UBAP1: variants seen among roughly 807,000 people sequenced by gnomAD.
UBAP1 encodes the protein ubiquitin-associated protein 1.
Under a neutral mutation model 39.0 loss-of-function variants are expected in UBAP1, and 5 were observed. That is an observed-to-expected ratio of 0.13 (90% CI 0.07 to 0.27). The LOEUF (loss-of-function observed/expected upper bound fraction) is 0.27, where lower values mean the gene tolerates loss of function less well. Among genes scored for constraint, UBAP1 ranks in the 10% least tolerant of loss-of-function variants. The pLI, the probability that UBAP1 is intolerant of heterozygous loss-of-function variation, is 1.00. For synonymous variants in UBAP1, 211 were observed against 225.1 expected (o/e 0.94, Z 0.56); for missense variants, 490 against 608.1 (o/e 0.81, Z 2.04).
chr9:34,179,033 G>T (rs865884402), upstream of UBAP1: 1 of 1,262,482 alleles, frequency 7.9e-7, no homozygotes, highest in African/African-American at 1.5e-5. Context: ...GGCGGTGAGG[G>T]GAAGGAGGAG....
chr9:34,181,121 T>TATTTGTATTTTA (rs1461081102), intron 1 of UBAP1, among the ~76,000 whole-genome samples: 2 of 124,222 alleles, frequency 1.6e-5, no homozygotes, highest in Non-Finnish European at 3.5e-5. Context: ...GTTTTCTTTT[T>TATTTGTATTTTA]TTTTTTTTTT....
chr9:34,247,169 T>A (rs1587888189), intron 4 of UBAP1, among the ~76,000 whole-genome samples: 1 of 152,182 alleles, frequency 6.6e-6, no homozygotes, highest in South Asian at 2.1e-4. Flanking sequence ...AACACTGTTA[T>A]AATTTTGATG....
Position 34,250,736 on chromosome 9 carries a change from A to G in UBAP1, c.1345A>G (p.Met449Val). Reference protein sequence around the residue: ...DPLLVEEALEMHQCSEEKMME... With the variant: ...DPLLVEEALEVHQCSEEKMME... ...TCTTTTAGTGGAAGAGGCTCTGGAA[A>G]TGCACCAGTGTTCAGAAGAAAAGGT... The change falls in exon 6 of 7, where the codon ATG becomes GTG. Residue 449 changes from methionine (M) to valine (V), a missense_variant. Transcript: ENST00000297661. 3 of 1,613,546 alleles carry G rather than the reference A, an allele frequency of 1.9e-6. No individual in the cohort carries two copies. Among genetic ancestry groups the G allele is most frequent in the Non-Finnish European group, 2.5e-6 (3 of 1,179,568 alleles).
At position 34,179,467 on chromosome 9, in the gene UBAP1, C is replaced by T. The variant is rs562025443; in HGVS notation, c.-8+227C>T. ...GAAGGGGCGGAGGGGAAGTGGGATG[C>T]GGAAAAATGAGTTCGGATTAAGGAG... is the stretch of plus-strand genomic sequence containing the variant. On this transcript the variant is annotated intron_variant, in intron 1 of 6. Coordinates refer to ENST00000297661, the MANE Select transcript of UBAP1 (RefSeq NM_016525.5). Among the ~76,000 whole-genome samples the T allele has an allele frequency of 9.2e-5, 14 of 151,588 alleles. No homozygotes were observed. In the South Asian group the frequency reaches 2.7e-3, roughly 29 times the overall value.
chr9:34,204,469 T>G (rs1266458018), intron 1 of UBAP1, among the ~76,000 whole-genome samples: 2 of 145,964 alleles, frequency 1.4e-5, no homozygotes, highest in African/African-American at 5.0e-5. Context: ...TCCACACCCA[T>G]TTTTTTTTTT....
intron 1 of UBAP1, among the ~76,000 whole-genome samples, chr9:34,193,046 T>A (rs1337526480): frequency 6.6e-6 from 1 of 152,074 alleles, no homozygotes; most frequent in Non-Finnish European, 1.5e-5. Flanking sequence ...GTGGCCCACG[T>A]CTGTAATTCC....
At chr9:34,209,204 G>A (rs140642510) in intron 1 of UBAP1, among the ~76,000 whole-genome samples, 33 of 152,226 alleles carry the variant, frequency 2.2e-4, no homozygotes, top group African/African-American at 7.9e-4. Context: ...GCCTCCCAAA[G>A]TGCTGGGATT....
At chr9:34,220,492 T>C (rs867664579) in intron 1 of UBAP1, 63 of 157,842 alleles carry the variant, frequency 4.0e-4, no homozygotes, top group Admixed American at 1.3e-4. Context: ...ACCCAGCTAA[T>C]TTTTTCAATT....
chr9:34,220,782 A>T, intron 1 of UBAP1, 126 bp from the exon 2 acceptor site: 3 of 712,558 alleles, frequency 4.2e-6, no homozygotes, highest in Non-Finnish European at 7.0e-6. Flanking sequence ...GGACTTTGGG[A>T]GTGAGACGTG....
intron 1 of UBAP1, among the ~76,000 whole-genome samples, chr9:34,202,508 G>A (rs1189402869): frequency 6.6e-6 from 1 of 152,086 alleles, no homozygotes; most frequent in Non-Finnish European, 1.5e-5. Flanking sequence ...CAGTTGAAGG[G>A]AGGGTGGGAA....
intron 4 of UBAP1, among the ~76,000 whole-genome samples, chr9:34,243,600 C>T (rs1834069629): frequency 6.6e-6 from 1 of 151,954 alleles, no homozygotes; most frequent in South Asian, 2.1e-4. Flanking sequence ...ATTGTCCTGC[C>T]TCTCGCAGCC....
intron 4 of UBAP1, among the ~76,000 whole-genome samples, chr9:34,243,318 G>T (rs1342150533): frequency 1.3e-5 from 2 of 152,122 alleles, no homozygotes; most frequent in African/African-American, 4.8e-5. Context: ...TAACAGCAGA[G>T]ATCTTTCTCA....
chr9:34,229,003 T>C (rs1563913121), intron 2 of UBAP1, among the ~76,000 whole-genome samples: 2 of 152,046 alleles, frequency 1.3e-5, no homozygotes, highest in Admixed American at 6.6e-5. Context: ...CCTGGAGGGT[T>C]GGGGGATGTA....
intron 4 of UBAP1, among the ~76,000 whole-genome samples, chr9:34,243,686 C>T (rs961183): frequency 0.34 from 51,717 of 151,762 alleles, 9,644 homozygotes; most frequent in East Asian, 0.73. Flanking sequence ...GATAGGGTTT[C>T]GCCATGTTGG....
intron 2 of UBAP1, chr9:34,224,242 G>T (rs533033865): frequency 6.2e-6 from 3 of 486,708 alleles, no homozygotes; most frequent in South Asian, 7.1e-5. Context: ...CTCCTTTCTT[G>T]TGGCCCAGGG....
chr9:34,236,048 C>CA (rs774880607), intron 3 of UBAP1, among the ~76,000 whole-genome samples: 2 of 151,810 alleles, frequency 1.3e-5, no homozygotes, highest in Non-Finnish European at 2.9e-5. Flanking sequence ...TTAGTGGAGT[C>CA]AGGGTTTCAC....
rs1829875756 is a variant in UBAP1 at position 34,179,155 on chromosome 9, CG to C, written c.-90del. On this transcript the variant is annotated 5_prime_UTR_variant, in exon 1 of 7. Coordinates refer to ENST00000297661, the MANE Select transcript of UBAP1 (RefSeq NM_016525.5). ...GGCGTTCGCTCTCCCTAGGGGCTGT[CG>C]GGAGCTCAGCGGGGACCGAGCCTGG... The C allele has an allele frequency of 2.4e-6, 3 of 1,243,578 alleles. No homozygotes were observed. The East Asian group carries it at 9.4e-5, about 39-fold the overall frequency. 77.0% of individuals were successfully genotyped at this position (1,243,578 alleles called of 1,614,324 possible).
chr9:34,234,282 T>C lies in UBAP1; in HGVS notation c.101T>C (p.Val34Ala), dbSNP rs1488031796. 1 of 1,613,350 alleles carries C rather than the reference T, an allele frequency of 6.2e-7. No homozygotes were observed. The highest frequency in any genetic ancestry group is 8.5e-7 in the Non-Finnish European group (1 of 1,179,854). ...TGDKFKTPAK[V>A]GLPIGFSLPD... Reference sequence around the variant, plus strand: ...GACAAATTCAAAACACCAGCTAAAGTTGGTCTACCTATTGGCTTCTCCTTG... The same window carrying C: ...GACAAATTCAAAACACCAGCTAAAGCTGGTCTACCTATTGGCTTCTCCTTG... The change falls in exon 3 of 7, where the codon GTT becomes GCT. Residue 34 changes from valine (V) to alanine (A), a missense_variant. Coordinates refer to ENST00000297661, the MANE Select transcript of UBAP1 (RefSeq NM_016525.5).
intron 1 of UBAP1, among the ~76,000 whole-genome samples, chr9:34,183,280 A>T (rs893877845): frequency 3.3e-5 from 5 of 151,928 alleles, no homozygotes; most frequent in African/African-American, 9.7e-5. Flanking sequence ...GCCATGGCTC[A>T]TGCCTGTAAT....
Sources: allele counts gnomAD v4.1 joint callset (sites outside exome capture counted in the v4.1 genomes callset), GRCh38; gene constraint gnomAD v4.1.1; transcripts MANE v1.5; gene names NCBI Gene and HGNC (gene_info 2026-07-23, HGNC 2026-07-21).